Variants in H2BN1 observed in about 807,000 individuals in gnomAD.
H2BN1 encodes the protein histone H2B.N.
At chr17:32,906,187 C>G in the H2BN1 span, 2 of 152,214 alleles carry the variant, frequency 1.3e-5, no homozygotes, top group East Asian at 3.8e-4. Flanking sequence ...CATTTCTCCC[C>G]TAGATCCACC....
chr17:32,902,122 A>G, the H2BN1 span, among the ~76,000 whole-genome samples: 1 of 152,034 alleles, frequency 6.6e-6, no homozygotes, highest in Non-Finnish European at 1.5e-5. Flanking sequence ...GAAAAAAAAA[A>G]AAACCTCTTT....
chr17:32,904,066 CT>C, the H2BN1 span, among the ~76,000 whole-genome samples: 49 of 152,086 alleles, frequency 3.2e-4, no homozygotes, highest in South Asian at 6.6e-3. Flanking sequence ...CTGGATGAGT[CT>C]TTTTTTTAAA....
At chr17:32,901,709 T>C in the H2BN1 span, among the ~76,000 whole-genome samples, 7 of 152,294 alleles carry the variant, frequency 4.6e-5, no homozygotes, top group African/African-American at 1.4e-4. Context: ...TACTATTTTG[T>C]GCCCTTTAAA....
At chr17:32,897,065 C>A in the H2BN1 span, among the ~76,000 whole-genome samples, 1 of 152,134 alleles carries the variant, frequency 6.6e-6, no homozygotes, top group Non-Finnish European at 1.5e-5. Context: ...GCTGGAGTCA[C>A]TGTCTCAGGG....
At chr17:32,903,270 TA>T in the H2BN1 span, among the ~76,000 whole-genome samples, 2 of 151,916 alleles carry the variant, frequency 1.3e-5, no homozygotes, top group African/African-American at 2.4e-5. Flanking sequence ...TATCAGTTCA[TA>T]AAAAACTTTT....
chr17:32,901,654 C>G, the H2BN1 span, among the ~76,000 whole-genome samples: 2 of 152,062 alleles, frequency 1.3e-5, no homozygotes, highest in African/African-American at 4.8e-5. Context: ...TTTAAAAGTA[C>G]TTGTATTTAA....
chr17:32,903,058 G>A, the H2BN1 span, among the ~76,000 whole-genome samples: 1 of 152,000 alleles, frequency 6.6e-6, no homozygotes, highest in Admixed American at 6.6e-5. Context: ...ATTTATTAAA[G>A]ATTTTACTTG....
the H2BN1 span, chr17:32,906,370 T>C: frequency 6.6e-6 from 1 of 152,184 alleles, no homozygotes; most frequent in South Asian, 2.1e-4. Flanking sequence ...AGAAGAGCTT[T>C]TGAATAAATG....
the H2BN1 span, chr17:32,906,541 G>A: frequency 6.6e-6 from 1 of 152,190 alleles, no homozygotes; most frequent in African/African-American, 2.4e-5. Context: ...TTGGCCTCCA[G>A]CTTACTTCGT....
At chr17:32,898,851 A>G in the H2BN1 span, among the ~76,000 whole-genome samples, 3 of 152,216 alleles carry the variant, frequency 2.0e-5, no homozygotes, top group Non-Finnish European at 2.9e-5. Context: ...TGGCTTATGT[A>G]TGTAAATAGG....
chr17:32,905,522 G>T, the H2BN1 span: 1 of 152,098 alleles, frequency 6.6e-6, no homozygotes, highest in Non-Finnish European at 1.5e-5. Flanking sequence ...GGTTGTGTGT[G>T]TGTGTGTGTG....
chr17:32,904,224 C>CA, the H2BN1 span, among the ~76,000 whole-genome samples: 3 of 152,200 alleles, frequency 2.0e-5, no homozygotes, highest in Non-Finnish European at 4.4e-5. Context: ...TGAGAAAACT[C>CA]AGTCTCTCAT....
chr17:32,897,628 G>A, the H2BN1 span, among the ~76,000 whole-genome samples: 4 of 152,220 alleles, frequency 2.6e-5, no homozygotes, highest in African/African-American at 9.6e-5. Context: ...CTTAGTAAGT[G>A]TGTGTGGAAC....
the H2BN1 span, among the ~76,000 whole-genome samples, chr17:32,900,211 T>C: frequency 6.6e-6 from 1 of 152,222 alleles, no homozygotes; most frequent in South Asian, 2.1e-4. Flanking sequence ...CAATAACATA[T>C]TTATATAAAT....
At chr17:32,903,867 GA>G in the H2BN1 span, among the ~76,000 whole-genome samples, 3 of 152,130 alleles carry the variant, frequency 2.0e-5, no homozygotes, top group African/African-American at 7.2e-5. Flanking sequence ...TTTTTCTGAA[GA>G]GGGGGAACTG....
chr17:32,903,975 G>A, the H2BN1 span, among the ~76,000 whole-genome samples: 2 of 152,302 alleles, frequency 1.3e-5, no homozygotes, highest in Middle Eastern at 3.4e-3. Flanking sequence ...ACCCTCTTAC[G>A]TGTCTCAGTT....
At chr17:32,895,535 A>G in the H2BN1 span, among the ~76,000 whole-genome samples, 1 of 152,118 alleles carries the variant, frequency 6.6e-6, no homozygotes, top group Non-Finnish European at 1.5e-5. Flanking sequence ...AGCCACTGGG[A>G]AGAAGAGGAG....
At chr17:32,895,622 C>G in the H2BN1 span, among the ~76,000 whole-genome samples, 1 of 152,172 alleles carries the variant, frequency 6.6e-6, no homozygotes, top group Non-Finnish European at 1.5e-5. Flanking sequence ...TTGGTGCACT[C>G]TTTGTAGAAG....
the H2BN1 span, among the ~76,000 whole-genome samples, chr17:32,896,339 ATTAC>A: frequency 2.0e-5 from 3 of 152,146 alleles, no homozygotes; most frequent in East Asian, 1.9e-4. Flanking sequence ...TATTTCTAAT[ATTAC>A]TTAGGAGGGG....
Sources: allele counts gnomAD v4.1 joint callset (sites outside exome capture counted in the v4.1 genomes callset), GRCh38; gene constraint gnomAD v4.1.1; transcripts MANE v1.5; gene names NCBI Gene and HGNC (gene_info 2026-07-23, HGNC 2026-07-21).